The following AGMO variants were observed in gnomAD, a reference collection of about 807,000 sequenced individuals.
AGMO encodes the protein alkylglycerol monooxygenase, also known as glyceryl-ether monooxygenase.
Under a neutral mutation model 60.2 loss-of-function variants are expected in AGMO, and 75 were observed. The observed-to-expected ratio is 1.25, with a 90% confidence interval of 1.03 to 1.51. The LOEUF is 1.51. Among genes scored for constraint, AGMO ranks in the 40% most tolerant of loss-of-function variants. The probability of loss-of-function intolerance (pLI) is 0.00; values close to 1 mark genes in which losing one functional copy is unlikely to be tolerated. For missense variants in AGMO, 763 were observed against 525.5 expected, an observed-to-expected ratio of 1.45 and a Z score of -4.42; for synonymous variants, 261 against 177.1, an observed-to-expected ratio of 1.47 and a Z score of -3.76.
intron 3 of AGMO, among the ~76,000 whole-genome samples, chr7:15,486,855 T>G (rs565317720): frequency 6.6e-6 from 1 of 152,334 alleles, no homozygotes; most frequent in East Asian, 1.9e-4. Context: ...GTAGCTTGTT[T>G]CTGCTCATTT....
intron 12 of AGMO, among the ~76,000 whole-genome samples, chr7:15,335,786 A>C (rs568874965): frequency 6.6e-6 from 1 of 152,190 alleles, no homozygotes; most frequent in Non-Finnish European, 1.5e-5. Flanking sequence ...TACACACTAC[A>C]TATTACCTTT....
rs1776177199 is a variant in AGMO at position 15,561,798 on chromosome 7, A to G, written c.48T>C (p.Phe16=). Residue 16 remains phenylalanine (F), a synonymous_variant, in exon 1 of 13, where the codon TTT becomes TTC. Transcript: ENST00000342526. ...GTTTCATCGTGTAAAACAACATGCG[A>G]AATCCCTGGGAAACTGAAACATCCT... ...AQQDVSVSQG[F]RMLFYTMKPS... is the part of the protein sequence containing the mutation. 6 of 1,610,998 alleles carry G rather than the reference A, an allele frequency of 3.7e-6. No individual in the cohort carries two copies. Among genetic ancestry groups the G allele is most frequent in the Non-Finnish European group, 5.1e-6 (6 of 1,178,086 alleles).
intron 3 of AGMO, among the ~76,000 whole-genome samples, chr7:15,445,165 A>G (rs919332043): frequency 6.6e-6 from 1 of 152,226 alleles, no homozygotes; most frequent in African/African-American, 2.4e-5. Flanking sequence ...CTAACAAACA[A>G]TTGTATATTT....
chr7:15,285,363 A>C (rs893483487), intron 12 of AGMO, among the ~76,000 whole-genome samples: 1 of 152,024 alleles, frequency 6.6e-6, no homozygotes, highest in African/African-American at 2.4e-5. Flanking sequence ...TAGATTTGAT[A>C]AATTCAGTAA....
At chr7:15,205,866 T>C in intron 12 of AGMO, among the ~76,000 whole-genome samples, 1 of 152,084 alleles carries the variant, frequency 6.6e-6, no homozygotes, top group East Asian at 1.9e-4. Context: ...TTCTGAAAAA[T>C]TGTTTCTGTA....
chr7:15,142,527 C>T, the AGMO span, among the ~76,000 whole-genome samples: 1 of 152,116 alleles, frequency 6.6e-6, no homozygotes, highest in South Asian at 2.1e-4. Context: ...CTAAACTTTA[C>T]CTTTGGTGTT....
At chr7:15,368,700 C>T (rs1324431246) in intron 10 of AGMO, among the ~76,000 whole-genome samples, 2 of 152,038 alleles carry the variant, frequency 1.3e-5, no homozygotes, top group Non-Finnish European at 2.9e-5. Context: ...ATCTTAATTA[C>T]AATAAGATGA....
In AGMO at chr7:15,488,164, A is replaced by G. The variant is rs186536058; in HGVS notation, c.409+56608T>C. 2.6e-5 allele frequency among the ~76,000 whole-genome samples: 4 copies of G among 152,322 alleles called. 1 individual carries two copies. The highest frequency in any genetic ancestry group is 2.0e-4 in the Admixed American group (3 of 15,302). On this transcript the variant is annotated intron_variant, in intron 3 of 12. Transcript: ENST00000342526. ...CACATTTTGCCCAAGTTCTTAAGTT[A>G]TTCAACCTGAGCTTTTCAGCTGAGC...
intron 3 of AGMO, among the ~76,000 whole-genome samples, chr7:15,480,815 C>T (rs982761718): frequency 6.6e-6 from 1 of 152,118 alleles, no homozygotes. Flanking sequence ...GGTTGAAGGC[C>T]TAGTCAAACA....
chr7:15,420,562 A>G (rs1331018868), intron 4 of AGMO, among the ~76,000 whole-genome samples: 1 of 152,118 alleles, frequency 6.6e-6, no homozygotes, highest in Non-Finnish European at 1.5e-5. Context: ...TAATGACACA[A>G]TCAAGGTTCT....
chr7:15,395,267 A>T (rs965695170), intron 5 of AGMO, among the ~76,000 whole-genome samples: 2 of 152,234 alleles, frequency 1.3e-5, no homozygotes, highest in African/African-American at 4.8e-5. Flanking sequence ...AGGGCAAAAT[A>T]GTCACTGACA....
At chr7:15,315,019 C>A (rs747477085) in intron 12 of AGMO, among the ~76,000 whole-genome samples, 1 of 152,020 alleles carries the variant, frequency 6.6e-6, no homozygotes, top group Non-Finnish European at 1.5e-5. Flanking sequence ...CAGCTGATAG[C>A]CCGCAAGAAA....
chr7:15,462,295 CT>C (rs901969274), intron 3 of AGMO, among the ~76,000 whole-genome samples: 2 of 152,072 alleles, frequency 1.3e-5, no homozygotes, highest in African/African-American at 4.8e-5. Flanking sequence ...AAATTATCAC[CT>C]TCTAATTTAC....
chr7:15,443,943 C>T (rs896583089), intron 3 of AGMO, among the ~76,000 whole-genome samples: 1 of 152,102 alleles, frequency 6.6e-6, no homozygotes, highest in African/African-American at 2.4e-5. Flanking sequence ...ATGTCATTTT[C>T]TTCAAGAAAC....
intron 12 of AGMO, among the ~76,000 whole-genome samples, chr7:15,240,784 AT>A (rs1289779678): frequency 5.3e-5 from 8 of 152,154 alleles, no homozygotes; most frequent in African/African-American, 1.9e-4. Context: ...AACACATGCA[AT>A]ATGCTCAGAT....
At chr7:15,397,305 G>C (rs1784430707) in intron 5 of AGMO, among the ~76,000 whole-genome samples, 1 of 151,788 alleles carries the variant, frequency 6.6e-6, no homozygotes, top group African/African-American at 2.4e-5. Flanking sequence ...CCAGTGCGCG[G>C]TCCACCGAAC....
At chr7:15,374,897 C>G (rs1274263253) in intron 10 of AGMO, among the ~76,000 whole-genome samples, 1 of 152,034 alleles carries the variant, frequency 6.6e-6, no homozygotes, top group Non-Finnish European at 1.5e-5. Flanking sequence ...TCGGTCAAGT[C>G]TTTAGCAAGT....
intron 12 of AGMO, among the ~76,000 whole-genome samples, chr7:15,253,600 C>G (rs1467039303): frequency 2.0e-5 from 3 of 152,018 alleles, no homozygotes; most frequent in Admixed American, 6.6e-5. Flanking sequence ...TATTTAGGGA[C>G]TACAATGTGT....
At chr7:15,153,761 C>T in the AGMO span, among the ~76,000 whole-genome samples, 3 of 152,198 alleles carry the variant, frequency 2.0e-5, no homozygotes, top group South Asian at 2.1e-4. Context: ...AGTTTGAAAT[C>T]GGGTAATGTA....
Sources: gnomAD v4.1 joint callset for allele counts (sites outside exome capture counted in the v4.1 genomes callset) on GRCh38, gnomAD v4.1.1 for gene constraint, MANE v1.5 for transcripts, NCBI Gene and HGNC (gene_info 2026-07-23, HGNC 2026-07-21) for gene names.